THEMIS: variants seen among roughly 807,000 people sequenced by gnomAD.
THEMIS encodes thymocyte selection associated, also known as protein THEMIS.
A neutral mutation model predicts 52.6 loss-of-function variants in THEMIS; 37 were observed. The ratio of observed to expected loss-of-function variants is 0.70; its 90% confidence interval spans 0.54 to 0.93. The LOEUF (loss-of-function observed/expected upper bound fraction) is 0.93, where lower values mean the gene tolerates loss of function less well. Ranked by LOEUF, THEMIS falls within the 40% of genes least tolerant of loss-of-function variation. THEMIS has a pLI of 0.00. For synonymous variants in THEMIS, 292 were observed against 272.7 expected (o/e 1.07, Z -0.70); for missense variants, 808 against 763.1 (o/e 1.06, Z -0.69).
chr6:127,753,204 A>G (rs1775707426), intron 4 of THEMIS, among the ~76,000 whole-genome samples: 2 of 152,068 alleles, frequency 1.3e-5, no homozygotes, highest in African/African-American at 4.8e-5. Flanking sequence ...CACAGCTAAC[A>G]TCATACTCAA....
Position 127,813,749 on chromosome 6 carries a change from G to C in THEMIS, c.892C>G (p.Gln298Glu), listed in dbSNP as rs1373437111. ...GTTTTCCCAGGCTGTAAAATGCTTT[G>C]GGGCAGGTGGTTTCCTTCAGGTGCT... ...IEAPEGNHLP[Q>E]SILQPGKTIV... The change falls in exon 4 of 6, where the codon CAA becomes GAA. Residue 298 changes from glutamine to glutamate, a missense_variant. By Grantham distance (29) the Gln-to-Glu change is conservative (BLOSUM62 2). Transcript: ENST00000368248. The C allele has an allele frequency of 3.1e-6, 5 of 1,613,714 alleles. No individual in the cohort carries two copies. Among genetic ancestry groups the C allele is most frequent in the Non-Finnish European group, 4.2e-6 (5 of 1,179,926 alleles).
At chr6:127,724,394 A>G (rs1213112568) in intron 4 of THEMIS, among the ~76,000 whole-genome samples, 2 of 152,138 alleles carry the variant, frequency 1.3e-5, no homozygotes, top group African/African-American at 4.8e-5. Flanking sequence ...TACCCTAGGC[A>G]TGAGAATGTG....
chr6:127,851,048 T>C (rs1779405852), intron 2 of THEMIS, among the ~76,000 whole-genome samples: 1 of 151,450 alleles, frequency 6.6e-6, no homozygotes, highest in Non-Finnish European at 1.5e-5. Context: ...TCTTACCAAA[T>C]AGATAACGTA....
At chr6:127,856,710 C>T (rs1180962285) in intron 1 of THEMIS, among the ~76,000 whole-genome samples, 2 of 152,002 alleles carry the variant, frequency 1.3e-5, no homozygotes, top group Non-Finnish European at 2.9e-5. Flanking sequence ...CTCCTTGTCT[C>T]ATACTATTCC....
intron 1 of THEMIS, among the ~76,000 whole-genome samples, chr6:127,912,934 T>C (rs954620667): frequency 6.6e-6 from 1 of 152,238 alleles, no homozygotes; most frequent in African/African-American, 2.4e-5. Context: ...TGAATTCCAA[T>C]GCTTCTACCA....
intron 2 of THEMIS, among the ~76,000 whole-genome samples, chr6:127,838,016 G>C (rs1159364719): frequency 2.0e-5 from 3 of 151,882 alleles, no homozygotes; most frequent in African/African-American, 7.3e-5. Flanking sequence ...GAGTTGATTC[G>C]ACAAGTGGAA....
intron 3 of THEMIS, among the ~76,000 whole-genome samples, chr6:127,818,576 G>A (rs1284594801): frequency 2.8e-5 from 4 of 142,392 alleles, no homozygotes; most frequent in Admixed American, 2.1e-4. Flanking sequence ...CATCATGTCT[G>A]GCTTTCAAAA....
intron 4 of THEMIS, among the ~76,000 whole-genome samples, chr6:127,812,619 T>C (rs1260778001): frequency 6.6e-6 from 1 of 152,206 alleles, no homozygotes; most frequent in Non-Finnish European, 1.5e-5. Flanking sequence ...CAAAACCCAC[T>C]GAAAAGGCAA....
intron 1 of THEMIS, among the ~76,000 whole-genome samples, chr6:127,909,492 G>A (rs941582839): frequency 3.6e-4 from 55 of 152,124 alleles, no homozygotes; most frequent in African/African-American, 4.8e-5. Flanking sequence ...AGAAGGACAT[G>A]TTTGCTTTGC....
chr6:127,828,329 C>T (rs977021433), intron 3 of THEMIS, among the ~76,000 whole-genome samples: 4 of 152,192 alleles, frequency 2.6e-5, no homozygotes, highest in Admixed American at 1.3e-4. Context: ...ATTTGGGGAT[C>T]GCTAACAGAC....
intron 3 of THEMIS, among the ~76,000 whole-genome samples, chr6:127,824,632 T>C (rs865783200): frequency 6.6e-6 from 1 of 152,118 alleles, no homozygotes; most frequent in Non-Finnish European, 1.5e-5. Flanking sequence ...GGAAGATATT[T>C]TGCAGTGAAC....
intron 4 of THEMIS, among the ~76,000 whole-genome samples, chr6:127,727,037 A>G (rs991698102): frequency 2.0e-5 from 3 of 152,202 alleles, no homozygotes; most frequent in African/African-American, 7.2e-5. Flanking sequence ...GATATTGGAC[A>G]ATCATGCAAA....
At chr6:127,801,301 C>T (rs530599027) in intron 4 of THEMIS, among the ~76,000 whole-genome samples, 3 of 152,306 alleles carry the variant, frequency 2.0e-5, no homozygotes, top group South Asian at 4.1e-4. Flanking sequence ...ATTCTATCTC[C>T]TGGCTTCAGA....
Position 127,848,142 on chromosome 6 carries a change from C to T in THEMIS, c.250+6888G>A, listed in dbSNP as rs528577586. ...CCTGTGTCCATGTGTTCTCATTGTT[C>T]AATTCCCACCTATGAATGAGAACAT... On this transcript the variant is annotated intron_variant, in intron 2 of 5. Coordinates refer to ENST00000368248, the MANE Select transcript of THEMIS (RefSeq NM_001010923.3). Among the ~76,000 whole-genome samples the T allele has an allele frequency of 2.9e-4, 38 of 131,724 alleles. No homozygotes were observed. In the South Asian group the frequency reaches 8.9e-3, roughly 31 times the overall value. The allele number at this position is 131,724 out of a possible 152,430, so 86.4% of individuals were successfully genotyped here.
intron 4 of THEMIS, among the ~76,000 whole-genome samples, chr6:127,802,276 T>C (rs940457677): frequency 1.3e-5 from 2 of 152,084 alleles, no homozygotes; most frequent in African/African-American, 4.8e-5. Flanking sequence ...CCTTGCAAAA[T>C]AGATTTATGA....
chr6:127,819,366 C>T lies in THEMIS; in HGVS notation c.710-5435G>A, dbSNP rs569101381. Among the ~76,000 whole-genome samples the T allele has an allele frequency of 3.3e-5, 5 of 151,894 alleles. No homozygotes were observed. In the East Asian group the frequency reaches 9.7e-4, roughly 29 times the overall value. On this transcript the variant is annotated intron_variant, in intron 3 of 5. Transcript: ENST00000368248. Reference sequence around the variant, plus strand: ...ATGTAACATGTATGTCCTGGGTATACCAGAAGGAGAATACAGTGGTAAAAG... The same window carrying T: ...ATGTAACATGTATGTCCTGGGTATATCAGAAGGAGAATACAGTGGTAAAAG...
In THEMIS at chr6:127,755,730, C is replaced by G. The variant is rs776042258; in HGVS notation, c.1759-35907G>C. Reference sequence around the variant, plus strand: ...ATAAAAAAGGGTTTATCATCATGGTCTTTAAAAAATTAGGAATTTCAGTTG... The same window carrying G: ...ATAAAAAAGGGTTTATCATCATGGTGTTTAAAAAATTAGGAATTTCAGTTG... On this transcript the variant is annotated intron_variant, in intron 4 of 5. Coordinates refer to ENST00000368248, the MANE Select transcript of THEMIS (RefSeq NM_001010923.3). Among the ~76,000 whole-genome samples, 62 of 152,068 alleles carry G rather than the reference C, an allele frequency of 4.1e-4. 1 individual carries two copies. The highest frequency in any genetic ancestry group is 1.5e-4 in the Non-Finnish European group (10 of 68,018).
chr6:127,813,541 A>C lies in THEMIS; in HGVS notation c.1100T>G (p.Val367Gly), dbSNP rs748197067. The C allele has an allele frequency of 1.9e-6, 3 of 1,613,284 alleles. No individual in the cohort carries two copies. The highest frequency in any genetic ancestry group is 1.7e-5 in the Admixed American group (1 of 59,858). Residue 367 changes from valine (V) to glycine (G), a missense_variant, in exon 4 of 6, where the codon GTG becomes GGG. By Grantham distance (109) the Val-to-Gly change is moderately radical. Coordinates refer to ENST00000368248, the MANE Select transcript of THEMIS (RefSeq NM_001010923.3). Reference protein sequence around the residue: ...IAKSEKEPLHVVATKAFHSPH... With the variant: ...IAKSEKEPLHGVATKAFHSPH... ...GGAATGAAACGCTTTGGTGGCCACC[A>C]CGTGAAGAGGCTCCTTTTCACTCTT... is the stretch of plus-strand genomic sequence containing the variant.
rs369734811 is a variant in THEMIS at position 127,840,964 on chromosome 6, C to A, written c.251-11030G>T. 2.0e-4 allele frequency among the ~76,000 whole-genome samples: 31 copies of A among 152,004 alleles called. No homozygotes were observed. The South Asian group carries it at 6.0e-3, about 30-fold the overall frequency. The stretch of plus-strand genomic sequence containing the variant: ...TAGAGGAGAGAGGGGAATGAGTAGG[C>A]GGAGCACAAAGGATTTTTAGGGTGG... On this transcript the variant is annotated intron_variant, in intron 2 of 5. Coordinates refer to ENST00000368248, the MANE Select transcript of THEMIS (RefSeq NM_001010923.3).
Sources: allele counts gnomAD v4.1 joint callset (sites outside exome capture counted in the v4.1 genomes callset), GRCh38; gene constraint gnomAD v4.1.1; transcripts MANE v1.5; gene names NCBI Gene and HGNC (gene_info 2026-07-23, HGNC 2026-07-21).